HEBP2: variants seen among roughly 807,000 people sequenced by gnomAD.
The protein encoded by HEBP2 is heme-binding protein 2.
HEBP2 carries 27 observed loss-of-function variants against 23.1 expected under a neutral mutation model. The observed-to-expected ratio is 1.17, with a 90% confidence interval of 0.86 to 1.61. HEBP2 has a LOEUF of 1.61. Among genes scored for constraint, HEBP2 ranks in the 40% most tolerant of loss-of-function variants. The pLI is 0.00. For missense variants in HEBP2, 245 were observed against 253.8 expected (o/e 0.97, Z 0.24); for synonymous variants, 99 against 95.1 (o/e 1.04, Z -0.24).
rs901326565 is a variant in HEBP2 at position 138,405,891 on chromosome 6, A to C, written c.239-80A>C. Reference sequence around the variant, plus strand: ...GTCAACAATGTGAAGTAAATCAAGGAACCCAGATCAAAAAAGAATAGGTTA... The same window carrying C: ...GTCAACAATGTGAAGTAAATCAAGGCACCCAGATCAAAAAAGAATAGGTTA... On this transcript the variant is annotated intron_variant, in intron 2 of 3. Coordinates refer to ENST00000607197, the MANE Select transcript of HEBP2 (RefSeq NM_014320.3). 6.7e-5 allele frequency: 76 copies of C among 1,141,232 alleles called. 1 individual carries two copies. Among genetic ancestry groups the C allele is most frequent in the Non-Finnish European group, 9.5e-5 (76 of 801,060 alleles). The allele number at this position is 1,141,232 out of a possible 1,614,324, so 70.7% of individuals were successfully genotyped here. A position where few individuals can be genotyped will look rare whatever the true frequency, so the allele number is the denominator to read the frequency against.
At chr6:138,410,361 G>A (rs1026361314) in intron 3 of HEBP2, among the ~76,000 whole-genome samples, 1 of 152,056 alleles carries the variant, frequency 6.6e-6, no homozygotes, top group Admixed American at 6.5e-5. Context: ...AGAGGGTTCA[G>A]TATTTGATTT....
chr6:138,404,575 C>G lies in HEBP2; in HGVS notation c.80C>G (p.Ala27Gly). ...AQAVETPGWK[A>G]PEDAGPQPGS... is the part of the protein sequence containing the mutation. ...GCTGTGGAGACGCCGGGCTGGAAGG[C>G]CCCGGAGGACGCCGGCCCCCAGGTA... Residue 27 changes from alanine to glycine, a missense_variant, in exon 1 of 4, where the codon GCC becomes GGC. Coordinates refer to ENST00000607197, the MANE Select transcript of HEBP2 (RefSeq NM_014320.3). 7.7e-7 allele frequency: 1 copy of G among 1,303,820 alleles called. No homozygotes were observed. The highest frequency in any genetic ancestry group is 2.2e-5 in the South Asian group (1 of 45,998). 80.8% of individuals were successfully genotyped at this position (1,303,820 alleles called of 1,614,324 possible).
Position 138,412,902 on chromosome 6 carries a change from G to A in HEBP2, c.442G>A (p.Ala148Thr), listed in dbSNP as rs544663572. 7 of 1,613,706 alleles carry A rather than the reference G, an allele frequency of 4.3e-6. No individual in the cohort carries two copies. Among genetic ancestry groups the A allele is most frequent in the Middle Eastern group, 1.7e-4 (1 of 6,052 alleles). Reference protein sequence around the residue: ...FVRSFDGFSSAQKNQEQLLTL... With the variant: ...FVRSFDGFSSTQKNQEQLLTL... ...TAGGTCTTTCGATGGATTTTCTAGT[G>A]CCCAAAAGAATCAAGAACAACTTTT... Residue 148 changes from alanine (A) to threonine (T), a missense_variant, in exon 4 of 4, where the codon GCC becomes ACC. By Grantham distance (58) the Ala-to-Thr change is moderately conservative. Transcript: ENST00000607197.
chr6:138,405,357 AG>A (rs1430649087), intron 2 of HEBP2, 77 bp downstream of exon 2: 1 of 1,542,056 alleles, frequency 6.5e-7, no homozygotes, highest in African/African-American at 1.4e-5. Flanking sequence ...AGCTTATTAA[AG>A]AAATATCCTT....
intron 1 of HEBP2, 123 bp downstream of exon 1, chr6:138,404,720 A>G: frequency 1.8e-6 from 1 of 565,948 alleles, no homozygotes; most frequent in Non-Finnish European, 2.7e-6. Context: ...GTCCCTACCC[A>G]CTATGCTACG....
intron 2 of HEBP2, 77 bp from the exon 3 acceptor site, chr6:138,405,894 C>A: frequency 7.7e-6 from 9 of 1,175,212 alleles, no homozygotes; most frequent in South Asian, 6.1e-5. Flanking sequence ...ATCAAGGAAC[C>A]CAGATCAAAA....
chr6:138,414,608 T>TA lies in HEBP2; in HGVS notation c.*1531dup, dbSNP rs1373360471. The TA allele has an allele frequency of 6.6e-6, 1 of 152,196 alleles. No homozygotes were observed. The highest frequency in any genetic ancestry group is 1.5e-5 in the Non-Finnish European group (1 of 68,064). 9.4% of individuals were successfully genotyped at this position (152,196 alleles called of 1,614,324 possible). On this transcript the variant is annotated 3_prime_UTR_variant, in exon 4 of 4. Transcript: ENST00000607197. ...TGTGGTTCGCCGACAGTCTCCCCGT[T>TA]ACCGTCTTCAGGGTCCACGCCAGAT...
In HEBP2 at chr6:138,416,798, C is replaced by A. The variant is rs1381094821; in HGVS notation, c.*3720C>A. ...GGCTTTATATATAATCAAAAGTGAG[C>A]AAGAATTGATGAGCAGGGGACTGAG... On this transcript the variant is annotated 3_prime_UTR_variant, in exon 4 of 4. Transcript: ENST00000607197. 1 of 152,154 alleles carries A rather than the reference C, an allele frequency of 6.6e-6. No individual in the cohort carries two copies. Among genetic ancestry groups the A allele is most frequent in the African/African-American group, 2.4e-5 (1 of 41,408 alleles). The allele number at this position is 152,154 out of a possible 1,614,324, so 9.4% of individuals were successfully genotyped here. A position where few individuals can be genotyped will look rare whatever the true frequency, so the allele number is the denominator to read the frequency against.
chr6:138,410,053 C>T (rs1323701670), intron 3 of HEBP2, among the ~76,000 whole-genome samples: 2 of 152,222 alleles, frequency 1.3e-5, no homozygotes, highest in African/African-American at 4.8e-5. Flanking sequence ...TGCCACCCTA[C>T]AGGACAAATG....
At chr6:138,405,427 C>T (rs1483214751) in intron 2 of HEBP2, 147 bp downstream of exon 2, 3 of 1,000,378 alleles carry the variant, frequency 3.0e-6, no homozygotes, top group South Asian at 1.5e-5. Context: ...CAAGACTCCT[C>T]AGGACCAGGG....
At chr6:138,409,017 G>A (rs1278477429) in intron 3 of HEBP2, among the ~76,000 whole-genome samples, 2 of 151,918 alleles carry the variant, frequency 1.3e-5, no homozygotes, top group African/African-American at 4.8e-5. Context: ...AGCCAGATAG[G>A]CTCCTCTTTT....
In HEBP2 at chr6:138,414,239, C is replaced by T. The variant is rs1341723455; in HGVS notation, c.*1161C>T. 6.6e-6 allele frequency: 1 copy of T among 152,250 alleles called. No homozygotes were observed. Among genetic ancestry groups the T allele is most frequent in the Non-Finnish European group, 1.5e-5 (1 of 68,082 alleles). The allele number at this position is 152,250 out of a possible 1,614,324, so 9.4% of individuals were successfully genotyped here. On this transcript the variant is annotated 3_prime_UTR_variant, in exon 4 of 4. Transcript: ENST00000607197. The stretch of plus-strand genomic sequence containing the variant: ...ACACTGCTTGCTGAGCAAGAGAGCA[C>T]TGCTCTTGTAGGGCACGGTCTCTCG...
rs918664716 is a variant in HEBP2, at chr6:138,420,683, CCTAA to C, written c.*7608_*7611del. On this transcript the variant is annotated 3_prime_UTR_variant, in exon 4 of 4. Coordinates refer to ENST00000607197, the MANE Select transcript of HEBP2 (RefSeq NM_014320.3). ...ACCAAGCAAGGCCATGGTACAAGGACCTAACTGTTTCAGTCCAACACAGGACTCC... is the reference window on the plus strand; with the variant it reads ...ACCAAGCAAGGCCATGGTACAAGGACCTGTTTCAGTCCAACACAGGACTCC... 3 of 152,190 alleles carry C rather than the reference CCTAA, an allele frequency of 2.0e-5. No individual in the cohort carries two copies. Among genetic ancestry groups the C allele is most frequent in the African/African-American group, 7.2e-5 (3 of 41,432 alleles). The allele number at this position is 152,190 out of a possible 1,614,324, so 9.4% of individuals were successfully genotyped here. A position where few individuals can be genotyped will look rare whatever the true frequency, so the allele number is the denominator to read the frequency against.
In HEBP2 at chr6:138,418,981, TG is replaced by T. The variant is rs1288285732; in HGVS notation, c.*5905del. 1 of 151,932 alleles carries T rather than the reference TG, an allele frequency of 6.6e-6. No homozygotes were observed. The highest frequency in any genetic ancestry group is 1.5e-5 in the Non-Finnish European group (1 of 68,012). 9.4% of individuals were successfully genotyped at this position (151,932 alleles called of 1,614,324 possible). On this transcript the variant is annotated 3_prime_UTR_variant, in exon 4 of 4. Transcript: ENST00000607197. The stretch of plus-strand genomic sequence containing the variant: ...GGGTAGAGGCATGTGGATGGGCATA[TG>T]GAGTGAACACAGAAGTTGAAAAACT...
In HEBP2 at chr6:138,420,068, A is replaced by G. The variant is rs1774895587; in HGVS notation, c.*6990A>G. 1 of 152,178 alleles carries G rather than the reference A, an allele frequency of 6.6e-6. No homozygotes were observed. Among genetic ancestry groups the G allele is most frequent in the Non-Finnish European group, 1.5e-5 (1 of 68,088 alleles). 9.4% of individuals were successfully genotyped at this position (152,178 alleles called of 1,614,324 possible). A position where few individuals can be genotyped will look rare whatever the true frequency, so the allele number is the denominator to read the frequency against. On this transcript the variant is annotated 3_prime_UTR_variant, in exon 4 of 4. Transcript: ENST00000607197. ...GGAACTTAGCGGACCCACTGGAGGC[A>G]CCCTCTGTACTCCTTGCCCAGTTGT...
intron 3 of HEBP2, 53 bp downstream of exon 3, chr6:138,406,204 A>G: frequency 8.6e-6 from 13 of 1,508,836 alleles, no homozygotes; most frequent in Non-Finnish European, 1.2e-5. Context: ...ACTTGCGTGC[A>G]CTCACAGTTT....
At chr6:138,405,314 G>A (rs776575502) in intron 2 of HEBP2, 34 bp downstream of exon 2, 4 of 1,612,766 alleles carry the variant, frequency 2.5e-6, no homozygotes, top group Non-Finnish European at 3.4e-6. Context: ...TATGCATATT[G>A]TGAAAGAGTC....
chr6:138,409,645 A>T (rs1269047214), intron 3 of HEBP2, among the ~76,000 whole-genome samples: 1 of 152,180 alleles, frequency 6.6e-6, no homozygotes, highest in Non-Finnish European at 1.5e-5. Flanking sequence ...TCCACACTGG[A>T]ACTGTCATCT....
intron 3 of HEBP2, chr6:138,412,245 C>T (rs1400785592): frequency 2.9e-6 from 1 of 341,648 alleles, no homozygotes; most frequent in Non-Finnish European, 5.7e-6. Context: ...TGCATCGTAG[C>T]AAAATCCCCA....
Sources: gnomAD v4.1 joint callset for allele counts (sites outside exome capture counted in the v4.1 genomes callset) on GRCh38, gnomAD v4.1.1 for gene constraint, MANE v1.5 for transcripts, NCBI Gene and HGNC (gene_info 2026-07-23, HGNC 2026-07-21) for gene names.